ZNF846: variants seen among roughly 807,000 people sequenced by gnomAD.
ZNF846 encodes the protein zinc finger protein 420 pseudogene.
In ZNF846, 15 loss-of-function variants were observed where a neutral mutation model predicts 16.0. That is an observed-to-expected ratio of 0.94 (90% CI 0.63 to 1.45). ZNF846 has a LOEUF of 1.45. Ranked by LOEUF, ZNF846 falls within the 40% of genes most tolerant of loss-of-function variation. ZNF846 has a pLI of 0.00. For synonymous variants in ZNF846, 229 were observed against 212.0 expected, an observed-to-expected ratio of 1.08 and a Z score of -0.70; for missense variants, 714 against 622.3, an observed-to-expected ratio of 1.15 and a Z score of -1.57.
At chr19:9,781,625 C>T (rs1012518472) in intron 1 of ZNF846, among the ~76,000 whole-genome samples, 1 of 152,058 alleles carries the variant, frequency 6.6e-6, no homozygotes. Context: ...TTCTGAAAGA[C>T]TGTCTTGATA....
intron 4 of ZNF846, among the ~76,000 whole-genome samples, chr19:9,760,439 G>T (rs1021784129): frequency 1.3e-5 from 2 of 151,466 alleles, no homozygotes; most frequent in South Asian, 4.1e-4. Flanking sequence ...GGTGGTTCAT[G>T]CCTATAATCC....
rs373040265 is a variant in ZNF846, at chr19:9,763,358, C to T, written c.66G>A (p.Trp22Ter). Residue 22 changes from tryptophan (W) to a stop codon, truncating the protein, a stop_gained, in exon 3 of 6, where the codon TGG becomes TGA. Transcript: ENST00000397902. LOFTEE classifies it high-confidence loss of function. ...CTCTCTGGGCTTGATCCAACAAAGTCCACTCCTCCTGGGTAAAGTCCACAG... is the reference window on the plus strand; with the variant it reads ...CTCTCTGGGCTTGATCCAACAAAGTTCACTCCTCCTGGGTAAAGTCCACAG... 54 of 1,611,538 alleles carry T rather than the reference C, an allele frequency of 3.4e-5. No individual in the cohort carries two copies. The African/African-American group carries it at 6.3e-4, about 19-fold the overall frequency.
intron 1 of ZNF846, among the ~76,000 whole-genome samples, chr19:9,781,562 G>C (rs562144933): frequency 1.3e-5 from 2 of 152,172 alleles, no homozygotes; most frequent in East Asian, 3.9e-4. Flanking sequence ...CTCCAGGAAA[G>C]TAGAAACTAA....
chr19:9,774,040 A>C (rs945211981), intron 1 of ZNF846, among the ~76,000 whole-genome samples: 1 of 152,244 alleles, frequency 6.6e-6, no homozygotes, highest in Admixed American at 6.5e-5. Context: ...TGTGTAAAAC[A>C]TACATGAAGA....
At chr19:9,785,537 C>A (rs1203152172) in intron 1 of ZNF846, among the ~76,000 whole-genome samples, 1 of 140,418 alleles carries the variant, frequency 7.1e-6, no homozygotes, top group Admixed American at 7.2e-5. Context: ...CCCCGTCTCT[C>A]GCTCACGGAG....
chr19:9,750,490 C>A (rs922866793), downstream of ZNF846, among the ~76,000 whole-genome samples: 1 of 152,164 alleles, frequency 6.6e-6, no homozygotes, highest in African/African-American at 2.4e-5. Context: ...TTTCACTTTA[C>A]ATTTCCAGTT....
chr19:9,768,983 C>T (rs897670382), upstream of ZNF846, among the ~76,000 whole-genome samples: 1 of 152,188 alleles, frequency 6.6e-6, no homozygotes, highest in Non-Finnish European at 1.5e-5. Context: ...GGGTTGGAGG[C>T]GGGGACTGGC....
chr19:9,749,448 T>C (rs931152773), downstream of ZNF846, among the ~76,000 whole-genome samples: 2 of 152,104 alleles, frequency 1.3e-5, no homozygotes, highest in Non-Finnish European at 2.9e-5. Context: ...TGATATCTCC[T>C]GGTTTTACTT....
chr19:9,763,075 G>T (rs952543113), intron 3 of ZNF846, among the ~76,000 whole-genome samples: 3 of 151,958 alleles, frequency 2.0e-5, no homozygotes, highest in African/African-American at 7.3e-5. Context: ...ATCCAGGAGG[G>T]GGGGCTTTGC....
At chr19:9,753,849 C>G (rs1461836840), downstream of ZNF846, among the ~76,000 whole-genome samples, 4 of 151,522 alleles carry the variant, frequency 2.6e-5, no homozygotes, top group Non-Finnish European at 5.9e-5. Context: ...GAAACTATTC[C>G]ACATATGCTT....
chr19:9,753,657 T>C (rs540109628), downstream of ZNF846, among the ~76,000 whole-genome samples: 6 of 151,916 alleles, frequency 3.9e-5, no homozygotes, highest in African/African-American at 1.5e-4. Flanking sequence ...TTGTGAATTC[T>C]TGCTTCACCC....
intron 1 of ZNF846, among the ~76,000 whole-genome samples, chr19:9,782,639 C>T (rs1568331536): frequency 6.6e-6 from 1 of 152,116 alleles, no homozygotes; most frequent in East Asian, 1.9e-4. Context: ...TGGGTTTCTG[C>T]ACCACCAGGG....
upstream of ZNF846, among the ~76,000 whole-genome samples, chr19:9,772,365 C>T (rs28562149): frequency 8.8e-3 from 1,331 of 151,636 alleles, 14 homozygotes; most frequent in African/African-American, 0.031. Flanking sequence ...TTTGGGAGGC[C>T]GAGGTGAGTG....
chr19:9,778,791 G>A lies in ZNF846; in HGVS notation c.-86+7147C>T, dbSNP rs1439304038. Among the ~76,000 whole-genome samples, 8 of 96,476 alleles carry A rather than the reference G, an allele frequency of 8.3e-5. 1 individual carries two copies. The highest frequency in any genetic ancestry group is 2.0e-4 in the African/African-American group (5 of 25,064). 63.3% of individuals were successfully genotyped at this position (96,476 alleles called of 152,430 possible). ...GCAGTGCAGCTTGGGCAACAAGAGC[G>A]AAAACTCGTCTCAAAAAAAAAAAAA... On this transcript the variant is annotated intron_variant, in intron 1 of 4. Coordinates refer to the ZNF846 transcript ENST00000586814.
chr19:9,786,087 G>T (rs1388426899), exon 1 of ZNF846: 1 of 151,968 alleles, frequency 6.6e-6, no homozygotes, highest in African/African-American at 2.4e-5. Context: ...GGCCTGAGGA[G>T]TTGGGAGGGG....
chr19:9,766,412 CAAAAAA>C (rs58139573), intron 1 of ZNF846, among the ~76,000 whole-genome samples: 2 of 72,394 alleles, frequency 2.8e-5, no homozygotes, highest in Admixed American at 3.0e-4. Flanking sequence ...GACTCTGTCA[CAAAAAA>C]AAAAAAAAAA....
chr19:9,753,086 T>C (rs1203524574), downstream of ZNF846, among the ~76,000 whole-genome samples: 1 of 151,592 alleles, frequency 6.6e-6, no homozygotes. Context: ...GAAATATCTT[T>C]GGGGTGTCTT....
intron 5 of ZNF846, among the ~76,000 whole-genome samples, chr19:9,759,271 T>G (rs2045183761): frequency 6.6e-6 from 1 of 151,764 alleles, no homozygotes; most frequent in South Asian, 2.1e-4. Flanking sequence ...GTGCTGGGAT[T>G]ACAGGCATTA....
At chr19:9,770,756 C>G (rs2045383339), upstream of ZNF846, among the ~76,000 whole-genome samples, 1 of 152,006 alleles carries the variant, frequency 6.6e-6, no homozygotes, top group Admixed American at 6.6e-5. Context: ...GTAATCCCAG[C>G]TTCTCGGGAG....
Sources: allele counts gnomAD v4.1 joint callset (sites outside exome capture counted in the v4.1 genomes callset), GRCh38; gene constraint gnomAD v4.1.1; transcripts MANE v1.5; gene names NCBI Gene and HGNC (gene_info 2026-07-23, HGNC 2026-07-21).